SRI: variants seen among roughly 807,000 people sequenced by gnomAD.
SRI encodes the protein sorcin, also known as 22 kDa protein.
Under a neutral mutation model 33.3 loss-of-function variants are expected in SRI, and 30 were observed. That is an observed-to-expected ratio of 0.90 (90% confidence interval 0.67 to 1.22). The LOEUF (loss-of-function observed/expected upper bound fraction) is 1.22, where lower values mean the gene tolerates loss of function less well. Among genes scored for constraint, SRI ranks in the 50% most tolerant of loss-of-function variants. The pLI is 0.00. For missense variants in SRI, 243 were observed against 250.8 expected, an observed-to-expected ratio of 0.97 and a Z score of 0.21; for synonymous variants, 75 against 89.9, an observed-to-expected ratio of 0.83 and a Z score of 0.94.
intron 1 of SRI, chr7:88,219,387 G>A: frequency 4.8e-6 from 1 of 207,360 alleles, no homozygotes; most frequent in East Asian, 1.3e-4. Flanking sequence ...GTGTCCGGCC[G>A]GGCTGTATCT....
intron 5 of SRI, 117 bp from the exon 6 acceptor site, chr7:88,209,569 C>T: frequency 2.7e-6 from 2 of 738,264 alleles, no homozygotes; most frequent in South Asian, 1.6e-5. Context: ...ATTATGAACA[C>T]ACACAATTTC....
At position 88,206,527 on chromosome 7, in the gene SRI, A is replaced by G. The variant is rs1250518101; in HGVS notation, c.571-23T>C. 1.9e-6 allele frequency: 3 copies of G among 1,613,550 alleles called. No homozygotes were observed. The African/African-American group carries it at 4.0e-5, about 22-fold the overall frequency. On this transcript the variant is annotated intron_variant, in intron 7 of 7. Transcript: ENST00000265729. Reference sequence around the variant, plus strand: ...GAACTGAAAGAAAAATCAGCATTATATGACAGACCTCAAAGCACTTATACG... The same window carrying G: ...GAACTGAAAGAAAAATCAGCATTATGTGACAGACCTCAAAGCACTTATACG...
intron 7 of SRI, chr7:88,208,231 G>A (rs1386035805): frequency 1.3e-5 from 7 of 552,806 alleles, no homozygotes; most frequent in Non-Finnish European, 1.9e-5. Flanking sequence ...TAGTGTCACA[G>A]CAATTAAGAA....
intron 3 of SRI, among the ~76,000 whole-genome samples, chr7:88,213,791 G>GT (rs1851639574): frequency 6.6e-6 from 1 of 152,122 alleles, no homozygotes; most frequent in Admixed American, 6.5e-5. Flanking sequence ...AAGAAGGAAT[G>GT]TTTTTTGAAT....
chr7:88,209,676 G>A (rs897273644), intron 5 of SRI, among the ~76,000 whole-genome samples: 2 of 152,040 alleles, frequency 1.3e-5, no homozygotes, highest in Non-Finnish European at 2.9e-5. Flanking sequence ...GTGCAGTGGT[G>A]TGATCTCGGC....
rs745822782 is a variant in SRI, at chr7:88,218,843, A to G, written c.135+16T>C. ...CAGACAATAACGGCTCTTTAATATT[A>G]AAGGGAAAAGCTAACCTGTCCAGCT... On this transcript the variant is annotated intron_variant, in intron 2 of 7. Transcript: ENST00000265729. 20 of 1,613,194 alleles carry G rather than the reference A, an allele frequency of 1.2e-5. No homozygotes were observed. Among genetic ancestry groups the G allele is most frequent in the Non-Finnish European group, 1.7e-5 (20 of 1,179,212 alleles).
At chr7:88,218,456 C>T (rs1851786871) in intron 2 of SRI, among the ~76,000 whole-genome samples, 1 of 152,164 alleles carries the variant, frequency 6.6e-6, no homozygotes. Context: ...TGGGTTTTTA[C>T]CATATTTCCT....
intron 4 of SRI, 95 bp from the exon 5 acceptor site, chr7:88,210,225 TA>T: frequency 1.5e-6 from 2 of 1,335,056 alleles, no homozygotes; most frequent in Non-Finnish European, 2.1e-6. Context: ...ATTCAATGGC[TA>T]AAAAAGTTAT....
Position 88,206,209 on chromosome 7 carries a change from C to A in SRI, c.*269G>T. On this transcript the variant is annotated 3_prime_UTR_variant, in exon 8 of 8. Transcript: ENST00000265729. ...TAAACATTTTGCATACTTAAATTTA[C>A]ATAGAGTTTTAGCAAGAAAATAAGG... is the stretch of plus-strand genomic sequence containing the variant. The A allele has an allele frequency of 6.0e-6, 3 of 500,028 alleles. No homozygotes were observed. The highest frequency in any genetic ancestry group is 2.6e-5 in the South Asian group (1 of 38,536). 31.0% of individuals were successfully genotyped at this position (500,028 alleles called of 1,614,324 possible). A position where few individuals can be genotyped will look rare whatever the true frequency, so the allele number is the denominator to read the frequency against.
chr7:88,209,504 A>C lies in SRI; in HGVS notation c.398-52T>G. 2 of 1,364,662 alleles carry C rather than the reference A, an allele frequency of 1.5e-6. 1 individual carries two copies. Among genetic ancestry groups the C allele is most frequent in the South Asian group, 2.3e-5 (2 of 85,772 alleles). 84.5% of individuals were successfully genotyped at this position (1,364,662 alleles called of 1,614,324 possible). A position where few individuals can be genotyped will look rare whatever the true frequency, so the allele number is the denominator to read the frequency against. On this transcript the variant is annotated intron_variant, in intron 5 of 7. Coordinates refer to ENST00000265729, the MANE Select transcript of SRI (RefSeq NM_003130.4). ...GGTTAAAGGATTGCAGAAGCTCATTAAAAAATAAAATAATCAAGCACTATT... is the reference window on the plus strand; with the variant it reads ...GGTTAAAGGATTGCAGAAGCTCATTCAAAAATAAAATAATCAAGCACTATT...
At chr7:88,210,417 G>T in intron 4 of SRI, 1 of 444,046 alleles carries the variant, frequency 2.3e-6, no homozygotes, top group Non-Finnish European at 4.1e-6. Context: ...CTGGAACTAG[G>T]CTGTACTTTG....
intron 3 of SRI, among the ~76,000 whole-genome samples, chr7:88,213,867 G>A (rs1241698540): frequency 6.6e-6 from 1 of 152,126 alleles, no homozygotes; most frequent in Non-Finnish European, 1.5e-5. Context: ...AAGCCAATAA[G>A]GCTACAGGGC....
At chr7:88,216,681 T>C (rs1366134300) in intron 3 of SRI, 2 of 177,406 alleles carry the variant, frequency 1.1e-5, no homozygotes, top group Non-Finnish European at 2.4e-5. Flanking sequence ...TTGTCCTCTG[T>C]GAAGGAGGCC....
chr7:88,208,860 A>G (rs1343135557), intron 6 of SRI: 3 of 394,320 alleles, frequency 7.6e-6, no homozygotes, highest in South Asian at 2.7e-5. Context: ...TTCCATGGCC[A>G]TTACTTCATT....
intron 5 of SRI, among the ~76,000 whole-genome samples, 171 bp from the exon 6 acceptor site, chr7:88,209,623 T>G (rs1404158850): frequency 6.6e-6 from 1 of 152,150 alleles, no homozygotes; most frequent in Non-Finnish European, 1.5e-5. Flanking sequence ...ATTTATTTAT[T>G]TATTTATTTA....
Position 88,206,435 on chromosome 7 carries a change from T to C in SRI, c.*43A>G. On this transcript the variant is annotated 3_prime_UTR_variant, in exon 8 of 8. Coordinates refer to ENST00000265729, the MANE Select transcript of SRI (RefSeq NM_003130.4). ...GCAAAGAGGACAAGCAAAGGAGAGC[T>C]CCAGTTGGAATGTTGATTACATTCA... 2 of 1,612,570 alleles carry C rather than the reference T, an allele frequency of 1.2e-6. No homozygotes were observed. Among genetic ancestry groups the C allele is most frequent in the East Asian group, 4.5e-5 (2 of 44,820 alleles).
At chr7:88,219,343 A>T (rs899895911) in intron 1 of SRI, 1 of 288,008 alleles carries the variant, frequency 3.5e-6, no homozygotes, top group African/African-American at 2.2e-5. Flanking sequence ...AGTTGGTAAC[A>T]TTCTGAGACG....
At chr7:88,208,383 T>C in intron 7 of SRI, 124 bp downstream of exon 7, 1 of 1,448,738 alleles carries the variant, frequency 6.9e-7, no homozygotes, top group Non-Finnish European at 9.1e-7. Flanking sequence ...TCTTTCTAAC[T>C]TTTGAATCCC....
Position 88,220,016 on chromosome 7 carries a change from G to C in SRI, c.11C>G (p.Pro4Arg), listed in dbSNP as rs1363663554. ...CCCGCCGCCGGCGCCAGGATGCCCC[G>C]GGTACGCCATGCTGCAGACTGCGCC... MAYPGHPGAGGGYY... is the reference protein window; with the variant it reads MAYRGHPGAGGGYY... The change falls in exon 1 of 8, where the codon CCG (proline) becomes CGG (arginine). Residue 4 changes from proline (P) to arginine (R), a missense_variant. Transcript: ENST00000265729. The C allele has an allele frequency of 3.3e-6, 5 of 1,533,536 alleles. No individual in the cohort carries two copies. Among genetic ancestry groups the C allele is most frequent in the Non-Finnish European group, 4.4e-6 (5 of 1,145,378 alleles). The allele number at this position is 1,533,536 out of a possible 1,614,324, so 95.0% of individuals were successfully genotyped here.
Sources: allele counts gnomAD v4.1 joint callset (sites outside exome capture counted in the v4.1 genomes callset), GRCh38; gene constraint gnomAD v4.1.1; transcripts MANE v1.5; gene names NCBI Gene and HGNC (gene_info 2026-07-23, HGNC 2026-07-21).